Variants in CDH18 observed in about 807,000 individuals in gnomAD.
The protein encoded by CDH18 is cadherin 18, also known as cadherin-18.
A neutral mutation model predicts 67.9 loss-of-function variants in CDH18; 31 were observed. The observed-to-expected ratio is 0.46, with a 90% CI of 0.34 to 0.62. The LOEUF (loss-of-function observed/expected upper bound fraction) is 0.62. CDH18 is among the 20% of genes least tolerant of loss of function. CDH18 has a pLI of 0.01. For missense variants in CDH18, 890 were observed against 975.5 expected (o/e 0.91, Z 1.17); for synonymous variants, 362 against 347.2 (o/e 1.04, Z -0.48).
chr5:20,081,098 G>C (rs902991805), intron 2 of CDH18, among the ~76,000 whole-genome samples: 2 of 152,074 alleles, frequency 1.3e-5, no homozygotes, highest in African/African-American at 4.8e-5. Flanking sequence ...AAACAATTAA[G>C]AGATTAAATA....
chr5:20,397,277 C>G (rs777403903), intron 1 of CDH18, among the ~76,000 whole-genome samples: 1 of 151,846 alleles, frequency 6.6e-6, no homozygotes, highest in Non-Finnish European at 1.5e-5. Context: ...ATTACAGGTG[C>G]GCACCACCAC....
chr5:19,765,324 C>G (rs1278103637), intron 3 of CDH18, among the ~76,000 whole-genome samples: 1 of 151,934 alleles, frequency 6.6e-6, no homozygotes, highest in African/African-American at 2.4e-5. Context: ...TTAAGGGAAA[C>G]TCACTTTCCC....
rs147335238 is a variant in CDH18 at position 20,155,984 on chromosome 5, C to T, written c.-518+99460G>A. ...CAGCCAAAAAGCATATGAAAAAATA[C>T]GCAACATCACTTATCATCAAAGAAA... On this transcript the variant is annotated intron_variant, in intron 2 of 14. Coordinates refer to the CDH18 transcript ENST00000507958. Among the ~76,000 whole-genome samples, 139 of 152,070 alleles carry T rather than the reference C, an allele frequency of 9.1e-4. No individual in the cohort carries two copies. The South Asian group carries it at 0.018, about 19-fold the overall frequency.
intron 1 of CDH18, among the ~76,000 whole-genome samples, chr5:20,347,707 T>C (rs1228767895): frequency 6.6e-6 from 1 of 152,194 alleles, no homozygotes; most frequent in African/African-American, 2.4e-5. Flanking sequence ...GCATTGTGTG[T>C]TTAGCCCCTC....
chr5:19,797,215 T>A (rs1247083132), intron 3 of CDH18, among the ~76,000 whole-genome samples: 1 of 151,942 alleles, frequency 6.6e-6, no homozygotes, highest in African/African-American at 2.4e-5. Flanking sequence ...CATGTAAATT[T>A]TTTTTTATAA....
At chr5:20,335,694 G>T (rs573851902) in intron 1 of CDH18, among the ~76,000 whole-genome samples, 167 of 152,258 alleles carry the variant, frequency 1.1e-3, no homozygotes, top group African/African-American at 3.8e-3. Context: ...TTTTATCTGT[G>T]TCTTTCACTG....
intron 2 of CDH18, among the ~76,000 whole-genome samples, chr5:20,202,646 A>G (rs543546463): frequency 6.6e-6 from 1 of 152,142 alleles, no homozygotes; most frequent in East Asian, 1.9e-4. Flanking sequence ...TCCCACATTC[A>G]GGTTCTTTTT....
chr5:19,473,580 G>T lies in CDH18; in HGVS notation c.2019C>A (p.Ile673=). 1 of 1,613,850 alleles carries T rather than the reference G, an allele frequency of 6.2e-7. No individual in the cohort carries two copies. The part of the protein sequence containing the change: ...GGEEDTEAFD[I]TALRNPSAAE... ...CAGCAGAAGGATTCCTCAAGGCTGT[G>T]ATGTCAAAGGCCTCTGTGTCTTCCT... Residue 673 remains isoleucine, a synonymous_variant, in exon 13 of 13, where the codon ATC becomes ATA. Coordinates refer to ENST00000382275, the MANE Select transcript of CDH18 (RefSeq NM_004934.5).
intron 3 of CDH18, among the ~76,000 whole-genome samples, chr5:19,799,435 AACAC>A (rs10545142): frequency 0.12 from 17,525 of 142,974 alleles, 1,053 homozygotes; most frequent in Middle Eastern, 0.15. Context: ...AAATATTCTC[AACAC>A]ACACACACAC....
intron 2 of CDH18, among the ~76,000 whole-genome samples, chr5:19,936,327 T>A (rs1345542070): frequency 6.6e-6 from 1 of 151,270 alleles, no homozygotes; most frequent in African/African-American, 2.4e-5. Flanking sequence ...TTTAAAAAAA[T>A]AATTAATTAT....
At position 20,308,130 on chromosome 5, in the gene CDH18, G is replaced by T. The variant is rs1736647750; in HGVS notation, c.-579-52625C>A. Among the ~76,000 whole-genome samples the T allele has an allele frequency of 3.2e-5, 4 of 124,496 alleles. No homozygotes were observed. The South Asian group carries it at 7.2e-4, about 22-fold the overall frequency. The allele number at this position is 124,496 out of a possible 152,430, so 81.7% of individuals were successfully genotyped here. A position where few individuals can be genotyped will look rare whatever the true frequency, so the allele number is the denominator to read the frequency against. On this transcript the variant is annotated intron_variant, in intron 1 of 14. Coordinates refer to the CDH18 transcript ENST00000507958. ...ACTGGTTTTCAACCCATATTTGATA[G>T]CAAACTCTTTACAGTTTAAATTTGT...
chr5:20,457,852 T>C (rs1750953610), intron 1 of CDH18, among the ~76,000 whole-genome samples: 1 of 152,008 alleles, frequency 6.6e-6, no homozygotes, highest in African/African-American at 2.4e-5. Flanking sequence ...CCTAGTACAG[T>C]GGCAGTGGGA....
chr5:19,913,229 A>AGAT (rs10644080), intron 2 of CDH18, among the ~76,000 whole-genome samples: 76,692 of 151,438 alleles, frequency 0.51, 19,490 homozygotes, highest in African/African-American at 0.57. Flanking sequence ...AATTTAAATG[A>AGAT]GATAAGATTA....
rs1048211150 is a variant in CDH18 at position 19,759,093 on chromosome 5, C to T, written c.229-11857G>A. Among the ~76,000 whole-genome samples, 3 of 152,306 alleles carry T rather than the reference C, an allele frequency of 2.0e-5. No individual in the cohort carries two copies. The East Asian group carries it at 5.8e-4, about 29-fold the overall frequency. On this transcript the variant is annotated intron_variant, in intron 3 of 12. Transcript: ENST00000382275. ...ATGGAGAAAAAGGCATTTGCCAAGT[C>T]AATGGTTGCATATCAGTTACCAGGA...
chr5:20,155,790 AT>A (rs1751477479), intron 2 of CDH18, among the ~76,000 whole-genome samples: 1 of 152,074 alleles, frequency 6.6e-6, no homozygotes, highest in Admixed American at 6.6e-5. Flanking sequence ...TCTTCTGTGT[AT>A]GGTGATCCAA....
chr5:19,593,263 C>G (rs1204819325), intron 6 of CDH18, among the ~76,000 whole-genome samples: 1 of 152,140 alleles, frequency 6.6e-6, no homozygotes, highest in East Asian at 1.9e-4. Context: ...AGACGCTACA[C>G]AAGTTCACAT....
chr5:20,413,110 C>T (rs1352817863), intron 1 of CDH18, among the ~76,000 whole-genome samples: 1 of 152,180 alleles, frequency 6.6e-6, no homozygotes, highest in Non-Finnish European at 1.5e-5. Context: ...TGGTTTCCAG[C>T]TTCATCCATG....
At chr5:20,090,939 T>G (rs1745364974) in intron 2 of CDH18, among the ~76,000 whole-genome samples, 1 of 151,458 alleles carries the variant, frequency 6.6e-6, no homozygotes, top group East Asian at 1.9e-4. Context: ...GTCCCAGCTA[T>G]TCAGGGAGGC....
chr5:19,937,799 T>C (rs571690387), intron 2 of CDH18, among the ~76,000 whole-genome samples: 1 of 150,850 alleles, frequency 6.6e-6, no homozygotes, highest in African/African-American at 2.4e-5. Context: ...GTTATATATA[T>C]AGAGAGAGAC....
Sources: gnomAD v4.1 joint callset for allele counts (sites outside exome capture counted in the v4.1 genomes callset) on GRCh38, gnomAD v4.1.1 for gene constraint, MANE v1.5 for transcripts, NCBI Gene and HGNC (gene_info 2026-07-23, HGNC 2026-07-21) for gene names.